RHOF: variants seen among roughly 807,000 people sequenced by gnomAD.
RHOF encodes the protein ras homolog family member F, filopodia associated.
RHOF carries 21 observed loss-of-function variants against 22.2 expected under a neutral mutation model. The observed-to-expected ratio is 0.95, with a 90% confidence interval of 0.67 to 1.36. RHOF has a LOEUF of 1.36. Among genes scored for constraint, RHOF ranks in the 40% most tolerant of loss-of-function variants. RHOF has a pLI of 0.00. For missense variants in RHOF, 285 were observed against 293.7 expected (o/e 0.97, Z 0.22); for synonymous variants, 135 against 131.2 (o/e 1.03, Z -0.20).
At chr12:121,781,373 A>G in intron 2 of RHOF, 181 bp from the exon 3 acceptor site, 1 of 588,874 alleles carries the variant, frequency 1.7e-6, no homozygotes, top group Non-Finnish European at 3.0e-6. Flanking sequence ...CGGGAGGCTG[A>G]GGCCGGAGGA....
At chr12:121,783,163 C>G (rs1342153851) in intron 2 of RHOF, among the ~76,000 whole-genome samples, 1 of 151,520 alleles carries the variant, frequency 6.6e-6, no homozygotes, top group South Asian at 2.1e-4. Flanking sequence ...GCCCCTACAC[C>G]ATCCTCATCT....
chr12:121,787,023 G>T (rs1448673386), intron 2 of RHOF, among the ~76,000 whole-genome samples: 2 of 152,148 alleles, frequency 1.3e-5, no homozygotes, highest in Non-Finnish European at 2.9e-5. Flanking sequence ...GAGGAACACA[G>T]CGAGACTCTG....
At chr12:121,781,049 G>A (rs1248488560) in intron 3 of RHOF, 34 bp downstream of exon 3, 3 of 1,613,816 alleles carry the variant, frequency 1.9e-6, no homozygotes, top group Non-Finnish European at 2.5e-6. Context: ...GCCGGGCCCA[G>A]ATGTGGGGCC....
In RHOF at chr12:121,778,114, G is replaced by C. The variant is rs1271656795; in HGVS notation, c.*1384C>G. The C allele has an allele frequency of 6.6e-6, 1 of 152,212 alleles. No homozygotes were observed. Among genetic ancestry groups the C allele is most frequent in the Non-Finnish European group, 1.5e-5 (1 of 68,066 alleles). The allele number at this position is 152,212 out of a possible 1,614,324, so 9.4% of individuals were successfully genotyped here. On this transcript the variant is annotated 3_prime_UTR_variant, in exon 5 of 5. Transcript: ENST00000267205. ...CCTAGGCGCCCTCCAGAGCCAAGCA[G>C]CTTGCGACTTCTGGTAGGCACCGGA...
intron 2 of RHOF, among the ~76,000 whole-genome samples, chr12:121,791,046 A>G (rs112659541): frequency 0.014 from 2,105 of 148,556 alleles, 40 homozygotes; most frequent in African/African-American, 0.049. Flanking sequence ...GCTAATTTTT[A>G]TACTTTTAGT....
At chr12:121,785,593 AT>A (rs1291088922) in intron 2 of RHOF, among the ~76,000 whole-genome samples, 1 of 147,068 alleles carries the variant, frequency 6.8e-6, no homozygotes. Context: ...TGCCTGGCTA[AT>A]TTTTTTTGTA....
At chr12:121,783,842 C>T (rs1874539663) in intron 2 of RHOF, among the ~76,000 whole-genome samples, 1 of 152,098 alleles carries the variant, frequency 6.6e-6, no homozygotes, top group Non-Finnish European at 1.5e-5. Context: ...GACCTCAGGT[C>T]ATCCACCTGC....
chr12:121,786,205 C>G (rs1021349099), intron 2 of RHOF, among the ~76,000 whole-genome samples: 2 of 152,078 alleles, frequency 1.3e-5, no homozygotes, highest in Non-Finnish European at 2.9e-5. Flanking sequence ...CAGGTGTGAG[C>G]CACAGCACCT....
At chr12:121,785,909 CCTTTT>C (rs753650452) in intron 2 of RHOF, among the ~76,000 whole-genome samples, 1 of 134,074 alleles carries the variant, frequency 7.5e-6, no homozygotes, top group African/African-American at 3.0e-5. Flanking sequence ...ACGTGCCCAG[CCTTTT>C]CTTTTCTTTG....
intron 2 of RHOF, among the ~76,000 whole-genome samples, chr12:121,786,626 C>T (rs942173575): frequency 6.6e-6 from 1 of 152,210 alleles, no homozygotes; most frequent in South Asian, 2.1e-4. Flanking sequence ...CTTCAGGGCT[C>T]TATGGAATGT....
intron 2 of RHOF, among the ~76,000 whole-genome samples, chr12:121,789,361 G>A (rs936369101): frequency 2.6e-5 from 4 of 152,168 alleles, no homozygotes; most frequent in Non-Finnish European, 4.4e-5. Context: ...CAGGCGGTGC[G>A]GCAGGGCTGG....
chr12:121,792,348 C>A (rs142403452), intron 2 of RHOF, among the ~76,000 whole-genome samples: 29 of 152,340 alleles, frequency 1.9e-4, no homozygotes, highest in African/African-American at 6.3e-4. Context: ...GTTGATGAAG[C>A]CCAGATGGGA....
intron 2 of RHOF, among the ~76,000 whole-genome samples, chr12:121,792,395 A>C (rs1391670450): frequency 6.6e-6 from 1 of 151,660 alleles, no homozygotes; most frequent in Non-Finnish European, 1.5e-5. Context: ...TCCTGTCCCC[A>C]CCCCTCACAA....
chr12:121,783,513 G>A (rs562515123), intron 2 of RHOF, among the ~76,000 whole-genome samples: 14 of 151,904 alleles, frequency 9.2e-5, no homozygotes, highest in Middle Eastern at 3.4e-3. Flanking sequence ...ACAGAGTTTC[G>A]CTCTTGTTGC....
At chr12:121,791,452 G>A (rs1367942858) in intron 2 of RHOF, among the ~76,000 whole-genome samples, 1 of 152,192 alleles carries the variant, frequency 6.6e-6, no homozygotes, top group Non-Finnish European at 1.5e-5. Context: ...ATAGAGCTGG[G>A]GTCAAAGCCC....
chr12:121,779,625 T>C lies in RHOF; in HGVS notation c.509A>G (p.Tyr170Cys). ...CCGAAACTTGGCGGAACATTCCAGG[T>C]AGAGAGCAGCTCGGATCTGTTCGCA... The part of the protein sequence containing the change: ...SACEQIRAAL[Y>C]LECSAKFREN... Residue 170 changes from tyrosine (Y) to cysteine (C), a missense_variant, in exon 5 of 5, where the codon TAC becomes TGC. Transcript: ENST00000267205. 1 of 1,614,088 alleles carries C rather than the reference T, an allele frequency of 6.2e-7. No homozygotes were observed. The highest frequency in any genetic ancestry group is 1.1e-5 in the South Asian group (1 of 91,086).
chr12:121,785,448 A>T, intron 2 of RHOF, among the ~76,000 whole-genome samples: 1 of 124,288 alleles, frequency 8.0e-6, no homozygotes, highest in Admixed American at 9.5e-5. Flanking sequence ...TTTTTTGGAG[A>T]CAGGGTCTTG....
rs1336727204 is a variant in RHOF, at chr12:121,781,000, G to T, written c.343C>A (p.Pro115Thr). 3.7e-6 allele frequency: 6 copies of T among 1,613,606 alleles called. No homozygotes were observed. The East Asian group carries it at 1.3e-4, about 36-fold the overall frequency. The change falls in exon 4 of 5, where the codon CCT becomes ACT. Residue 115 changes from proline to threonine, a missense_variant. By Grantham distance (38) the Pro-to-Thr change is conservative. Transcript: ENST00000267205. ...SYDNVLIKWF[P>T]EVTHFCRGIP... ...CCGCGGCAGAAATGCGTGACCTCAG[G>T]GAACCACTGTGGAGGGAGGAGGCGG...
Position 121,778,749 on chromosome 12 carries a change from G to T in RHOF, c.*749C>A. The T allele has an allele frequency of 6.6e-6, 1 of 152,382 alleles. No homozygotes were observed. 9.4% of individuals were successfully genotyped at this position (152,382 alleles called of 1,614,324 possible). A position where few individuals can be genotyped will look rare whatever the true frequency, so the allele number is the denominator to read the frequency against. ...GGGGGGAACAGTCCACAGAAAACTT[G>T]CTCATGACCACACTGGGAGCCGACT... On this transcript the variant is annotated 3_prime_UTR_variant, in exon 5 of 5. Coordinates refer to ENST00000267205, the MANE Select transcript of RHOF (RefSeq NM_019034.3).
Sources: allele counts gnomAD v4.1 joint callset (sites outside exome capture counted in the v4.1 genomes callset), GRCh38; gene constraint gnomAD v4.1.1; transcripts MANE v1.5; gene names NCBI Gene and HGNC (gene_info 2026-07-23, HGNC 2026-07-21).